Variants in TEP1 observed in about 807,000 individuals in gnomAD.
TEP1 encodes the protein telomerase protein component 1.
TEP1 carries 241 observed loss-of-function variants against 306.3 expected under a neutral mutation model. The observed-to-expected ratio is 0.79, with a 90% CI of 0.71 to 0.88. The LOEUF (loss-of-function observed/expected upper bound fraction) is 0.88, where lower values mean the gene tolerates loss of function less well. Ranked by LOEUF, TEP1 falls within the 40% of genes least tolerant of loss-of-function variation. The probability of loss-of-function intolerance (pLI) is 0.00; values close to 1 mark genes in which losing one functional copy is unlikely to be tolerated. For synonymous variants in TEP1, 1,289 were observed against 1,305.5 expected (o/e 0.99, Z 0.27); for missense variants, 3,051 against 3,276.1 (o/e 0.93, Z 1.68).
chr14:20,376,982 G>A (rs572222933), intron 41 of TEP1, among the ~76,000 whole-genome samples: 2 of 152,272 alleles, frequency 1.3e-5, no homozygotes, highest in Admixed American at 1.3e-4. Flanking sequence ...TTGGGAGGCC[G>A]AGGTGGGTGG....
chr14:20,401,635 A>G, intron 7 of TEP1, 54 bp from the exon 8 acceptor site: 1 of 1,601,102 alleles, frequency 6.2e-7, no homozygotes, highest in Non-Finnish European at 8.5e-7. Context: ...GACCATGGGA[A>G]CTTTCTTCAA....
chr14:20,380,141 T>C, intron 34 of TEP1, 88 bp from the exon 35 acceptor site: 1 of 1,581,050 alleles, frequency 6.3e-7, no homozygotes, highest in South Asian at 1.2e-5. Context: ...TGGATCCCTC[T>C]CCAGTGTTTC....
chr14:20,387,254 A>G (rs901048422), intron 18 of TEP1, among the ~76,000 whole-genome samples: 1 of 146,876 alleles, frequency 6.8e-6, no homozygotes, highest in Non-Finnish European at 1.5e-5. Flanking sequence ...GCTTTAAGAA[A>G]TTAAGCAACT....
At chr14:20,375,110 A>T (rs1304468516) in intron 43 of TEP1, among the ~76,000 whole-genome samples, 4 of 149,724 alleles carry the variant, frequency 2.7e-5, no homozygotes, top group African/African-American at 9.9e-5. Flanking sequence ...AAAAAAAAAA[A>T]GGACTTAGCA....
chr14:20,398,614 T>C (rs888936595), intron 9 of TEP1, among the ~76,000 whole-genome samples: 2 of 152,172 alleles, frequency 1.3e-5, no homozygotes, highest in Admixed American at 6.5e-5. Context: ...ATGGATTCAG[T>C]GACTATGTGG....
intron 12 of TEP1, among the ~76,000 whole-genome samples, chr14:20,393,893 C>T (rs938489796): frequency 2.0e-5 from 3 of 151,916 alleles, no homozygotes; most frequent in African/African-American, 7.3e-5. Context: ...TTGAAACCAG[C>T]CTGGGTAACA....
rs1876493190 is a variant in TEP1, at chr14:20,381,225, G to A, written c.4647+88C>T. ...GTTTGGGAGGGGTAATGGCGGCGGT[G>A]ATGGTGGAGATGGTAACGGGGAGAG... On this transcript the variant is annotated intron_variant, in intron 32 of 54. Transcript: ENST00000262715. This position sits in a 1 kb window ranked among gnomAD's most constrained non-coding sequence, Gnocchi z 4.0. 1 of 1,384,822 alleles carries A rather than the reference G, an allele frequency of 7.2e-7. No homozygotes were observed. Among genetic ancestry groups the A allele is most frequent in the Non-Finnish European group, 1.0e-6 (1 of 971,944 alleles). The allele number at this position is 1,384,822 out of a possible 1,614,324, so 85.8% of individuals were successfully genotyped here. A position where few individuals can be genotyped will look rare whatever the true frequency, so the allele number is the denominator to read the frequency against.
intron 8 of TEP1, 138 bp from the exon 9 acceptor site, chr14:20,401,279 A>G: frequency 7.3e-7 from 1 of 1,378,636 alleles, no homozygotes; most frequent in East Asian, 2.5e-5. Flanking sequence ...AAGGTGAGTC[A>G]TGTTTACAGG....
rs777500936 is a variant in TEP1 at position 20,379,076 on chromosome 14, A to G, written c.5157T>C (p.Asp1719=). The change falls in exon 36 of 55, where the codon GAT becomes GAC. Residue 1719 remains aspartate, a synonymous_variant. Coordinates refer to ENST00000262715, the MANE Select transcript of TEP1 (RefSeq NM_007110.5). ...AGAGGAACAAACAAGCAGAGATTCC[A>G]TCACAGCCACTCACCACAGACTTCT... ...QEEKSVVSGC[D]GISACLFLSD... 6.2e-7 allele frequency: 1 copy of G among 1,614,196 alleles called. No individual in the cohort carries two copies. Among genetic ancestry groups the G allele is most frequent in the Non-Finnish European group, 8.5e-7 (1 of 1,180,034 alleles).
rs1368483150 is a variant in TEP1 at position 20,383,211 on chromosome 14, T to C, written c.4010A>G (p.Tyr1337Cys). ...TGGTGACTCCTCCAGCCGCTTCCCG[T>C]ACAGGGCCAGCTCCTCTCTCACCAG... Reference protein sequence around the residue: ...ARLVREELALYGKRLEESPFN... With the variant: ...ARLVREELALCGKRLEESPFN... The change falls in exon 27 of 55, where the codon TAC (tyrosine) becomes TGC (cysteine). Residue 1337 changes from tyrosine to cysteine, a missense_variant. Around this residue, in one of 3 missense-constraint regions of TEP1, gnomAD observed 1,540 missense variants for 1,705.9 expected, o/e 0.90. Transcript: ENST00000262715. The C allele has an allele frequency of 6.2e-7, 1 of 1,612,702 alleles. No individual in the cohort carries two copies. Among genetic ancestry groups the C allele is most frequent in the Non-Finnish European group, 8.5e-7 (1 of 1,179,556 alleles).
chr14:20,404,859 G>C, intron 4 of TEP1, 87 bp from the exon 5 acceptor site: 1 of 1,451,168 alleles, frequency 6.9e-7, no homozygotes, highest in South Asian at 1.4e-5. Context: ...GAGTGTGCCT[G>C]TATAAAACCT....
At position 20,391,478 on chromosome 14, in the gene TEP1, A is replaced by C. The variant is rs1428562081; in HGVS notation, c.2097+121T>G. 7 of 1,184,764 alleles carry C rather than the reference A, an allele frequency of 5.9e-6. No homozygotes were observed. The African/African-American group carries it at 9.2e-5, about 16-fold the overall frequency. The allele number at this position is 1,184,764 out of a possible 1,614,324, so 73.4% of individuals were successfully genotyped here. A position where few individuals can be genotyped will look rare whatever the true frequency, so the allele number is the denominator to read the frequency against. ...AGGACTGATACTTGGAAGCAAATTCATATCATTTATTTCAGTCTGAGTGTT... is the reference window on the plus strand; with the variant it reads ...AGGACTGATACTTGGAAGCAAATTCCTATCATTTATTTCAGTCTGAGTGTT... On this transcript the variant is annotated intron_variant, in intron 13 of 54. Transcript: ENST00000262715.
chr14:20,378,600 C>A, intron 37 of TEP1, 65 bp from the exon 38 acceptor site: 1 of 1,607,496 alleles, frequency 6.2e-7, no homozygotes, highest in Non-Finnish European at 8.5e-7. Context: ...AGTCCCAGAC[C>A]TCCAGGAGCA....
rs201140993 is a variant in TEP1 at position 20,369,774 on chromosome 14, T to C, written c.7323A>G (p.Gln2441=). 5.6e-5 allele frequency: 91 copies of C among 1,613,874 alleles called. No individual in the cohort carries two copies. The highest frequency in any genetic ancestry group is 3.3e-4 in the East Asian group (15 of 44,886). ...KDPGVLSFLR[Q]KESGEFEERL... The stretch of plus-strand genomic sequence containing the variant: ...TCTCTTCAAACTCTCCTGATTCCTT[T>C]TGCCTCTGTGAAAGAATAGGTAATT... Residue 2441 remains glutamine, a synonymous_variant, in exon 52 of 55, where the codon CAA becomes CAG. Transcript: ENST00000262715.
intron 10 of TEP1, 149 bp downstream of exon 10, chr14:20,396,472 C>T (rs1878210679): frequency 1.8e-6 from 1 of 562,210 alleles, no homozygotes. Context: ...TAGCTGTATT[C>T]CCAGATCTAC....
At chr14:20,396,762 CA>C (rs759204124) in intron 9 of TEP1, 32 bp from the exon 10 acceptor site, 1 of 1,517,080 alleles carries the variant, frequency 6.6e-7, no homozygotes, top group South Asian at 1.2e-5. Context: ...GTGAGAAAAA[CA>C]AATGAGAAGG....
Position 20,383,560 on chromosome 14 carries a change from G to A in TEP1, c.3795C>T (p.Ile1265=), listed in dbSNP as rs191436526. The A allele has an allele frequency of 6.3e-5, 101 of 1,614,192 alleles. No homozygotes were observed. Among genetic ancestry groups the A allele is most frequent in the South Asian group, 3.1e-4 (28 of 91,080 alleles). The change falls in exon 26 of 55, where the codon ATC becomes ATT. Residue 1265 remains isoleucine (I), a synonymous_variant. Coordinates refer to ENST00000262715, the MANE Select transcript of TEP1 (RefSeq NM_007110.5). ...LHPGQTQVLI[I]DGADRLVDQN... is the part of the protein sequence containing the mutation. Reference sequence around the variant, plus strand: ...GGTCCACTAACCTATCAGCCCCATCGATGATCAGGACCTGGGTCTGGCCAG... The same window carrying A: ...GGTCCACTAACCTATCAGCCCCATCAATGATCAGGACCTGGGTCTGGCCAG...
At position 20,383,383 on chromosome 14, in the gene TEP1, G is replaced by T. The variant is rs1482922113; in HGVS notation, c.3868-30C>A. ...GATATTTGGGCAAAGGGGCAGGAAG[G>T]TAGAAAGAAAAGGAGAACCACATTG... On this transcript the variant is annotated intron_variant, in intron 26 of 54. Transcript: ENST00000262715. 3.1e-6 allele frequency: 5 copies of T among 1,600,656 alleles called. No individual in the cohort carries two copies. The East Asian group carries it at 1.1e-4, about 36-fold the overall frequency.
chr14:20,368,723 C>A, intron 54 of TEP1, 75 bp downstream of exon 54: 6 of 1,538,900 alleles, frequency 3.9e-6, no homozygotes, highest in Non-Finnish European at 5.4e-6. Flanking sequence ...TCTAAGTTTG[C>A]TGTCTTGTGA....
Sources: allele counts gnomAD v4.1 joint callset (sites outside exome capture counted in the v4.1 genomes callset), GRCh38; gene constraint gnomAD v4.1.1; regional missense constraint gnomAD v4.1.1; non-coding constraint Gnocchi (gnomAD v3.1); transcripts MANE v1.5; gene names NCBI Gene and HGNC (gene_info 2026-07-23, HGNC 2026-07-21).